Variants in RASAL1 observed in about 807,000 individuals in gnomAD.
RASAL1 encodes the protein RAS protein activator like 1, also known as rasGAP-activating-like protein 1.
RASAL1 carries 72 observed loss-of-function variants against 96.6 expected under a neutral mutation model. That is an observed-to-expected ratio of 0.75 (90% CI 0.62 to 0.91). The LOEUF is 0.91. Ranked by LOEUF, RASAL1 falls within the 40% of genes least tolerant of loss-of-function variation. RASAL1 has a pLI of 0.00. For missense variants in RASAL1, 1,016 were observed against 1,072.5 expected (o/e 0.95, Z 0.74); for synonymous variants, 405 against 430.4 (o/e 0.94, Z 0.73).
chr12:113,100,122 G>A, intron 20 of RASAL1, 54 bp from the exon 21 acceptor site: 1 of 1,509,700 alleles, frequency 6.6e-7, no homozygotes, highest in Non-Finnish European at 8.9e-7. Context: ...GCAGGCTGCT[G>A]TAACCCGGAC....
intron 1 of RASAL1, among the ~76,000 whole-genome samples, chr12:113,131,426 C>G (rs1951705362): frequency 1.3e-5 from 2 of 152,070 alleles, no homozygotes; most frequent in South Asian, 4.1e-4. Context: ...ATGGTCTGGC[C>G]CCCAGCTCTC....
Position 113,135,457 on chromosome 12 carries a change from G to A in RASAL1, c.6C>T (p.Ala2=). Residue 2 remains alanine (A), a synonymous_variant, in exon 1 of 21, where the codon GCC becomes GCT. Transcript: ENST00000548055. The surrounding 1 kb of genome is among the most constrained non-coding windows in gnomAD (Gnocchi z 5.7). The part of the protein sequence containing the change: M[A]KSSSLNVRVV... ...CGCGAACATTCAGGGAGCTGCTCTT[G>A]GCCATGGCGCCTAGCCACAAACTTT... 6.2e-7 allele frequency: 1 copy of A among 1,607,004 alleles called. No individual in the cohort carries two copies. The highest frequency in any genetic ancestry group is 8.5e-7 in the Non-Finnish European group (1 of 1,177,574).
intron 16 of RASAL1, among the ~76,000 whole-genome samples, chr12:113,104,506 A>G (rs1950576819): frequency 6.6e-6 from 1 of 151,290 alleles, no homozygotes; most frequent in South Asian, 2.1e-4. Flanking sequence ...TTTAATTTTT[A>G]TTTATTTATT....
intron 1 of RASAL1, among the ~76,000 whole-genome samples, chr12:113,132,812 C>T (rs1951772018): frequency 6.6e-6 from 1 of 152,228 alleles, no homozygotes; most frequent in East Asian, 1.9e-4. Flanking sequence ...ACACTTTAGA[C>T]AGACAGTGTC....
chr12:113,108,287 G>C, intron 13 of RASAL1, 65 bp from the exon 14 acceptor site: 1 of 1,518,148 alleles, frequency 6.6e-7, no homozygotes. Context: ...GTAAACTGAG[G>C]CAGCAAGGAC....
At chr12:113,126,198 T>C (rs1248776881) in intron 4 of RASAL1, among the ~76,000 whole-genome samples, 1 of 152,090 alleles carries the variant, frequency 6.6e-6, no homozygotes, top group East Asian at 1.9e-4. Context: ...GGCAGGAGAA[T>C]TGCTTGAGCC....
chr12:113,125,174 T>C (rs538183443), intron 4 of RASAL1, among the ~76,000 whole-genome samples: 3 of 152,266 alleles, frequency 2.0e-5, no homozygotes, highest in South Asian at 2.1e-4. Flanking sequence ...GAAGGAATTA[T>C]GTTTTAAAAT....
At chr12:113,114,727 C>T in intron 12 of RASAL1, 73 bp downstream of exon 12, 2 of 1,344,840 alleles carry the variant, frequency 1.5e-6, no homozygotes, top group Non-Finnish European at 2.1e-6. Flanking sequence ...TCAGCATGAA[C>T]CCAGCCCCCA....
intron 19 of RASAL1, among the ~76,000 whole-genome samples, 182 bp from the exon 20 acceptor site, chr12:113,100,862 A>G (rs565718895): frequency 3.9e-5 from 6 of 152,208 alleles, no homozygotes; most frequent in Non-Finnish European, 7.3e-5. Flanking sequence ...AACCTTTTAC[A>G]TGTATTAACT....
intron 4 of RASAL1, 22 bp from the exon 5 acceptor site, chr12:113,121,660 A>G: frequency 6.2e-7 from 1 of 1,613,750 alleles, no homozygotes; most frequent in Non-Finnish European, 8.5e-7. Context: ...AGGCACTAAC[A>G]TTTATGAAGC....
chr12:113,122,651 C>G (rs991421755), intron 4 of RASAL1, among the ~76,000 whole-genome samples: 3 of 151,768 alleles, frequency 2.0e-5, no homozygotes, highest in Non-Finnish European at 2.9e-5. Flanking sequence ...ATTCTAAGGA[C>G]TATGTCTCTG....
rs749579265 is a variant in RASAL1, at chr12:113,099,964, G to A, written c.2383C>T (p.Arg795Ter). The A allele has an allele frequency of 2.3e-5, 37 of 1,613,246 alleles. No homozygotes were observed. Among genetic ancestry groups the A allele is most frequent in the South Asian group, 1.6e-4 (15 of 91,034 alleles). The change falls in exon 21 of 21, where the codon CGA becomes TGA. Residue 795 changes from arginine (R) to a stop codon, truncating the protein, a stop_gained. Transcript: ENST00000548055. LOFTEE classifies it low-confidence loss of function (END_TRUNC). The part of the protein sequence containing the change: ...RAHEEFQQQE[R>*]GKAALGPLGP ...AGGGGGCCCAGGGCCGCCTTCCCTC[G>A]CTCCTGCTGCTGGAACTCCTCGTGG...
chr12:113,108,115 CTGG>C lies in RASAL1; in HGVS notation c.1479_1481del (p.Gln494del). 2 of 1,613,608 alleles carry C rather than the reference CTGG, an allele frequency of 1.2e-6. No individual in the cohort carries two copies. Among genetic ancestry groups the C allele is most frequent in the Non-Finnish European group, 1.7e-6 (2 of 1,179,830 alleles). ...CAAGCAACAGCAGTGAGCGGCTAGT[CTGG>C]GGGTCCGCGTGTTGGTCCCGAAGGT... On this transcript the variant is annotated inframe_deletion, in exon 14 of 21. Transcript: ENST00000548055.
rs1175352480 is a variant in RASAL1 at position 113,100,061 on chromosome 12, A to T, written c.2286T>A (p.Cys762Ter). The T allele has an allele frequency of 6.2e-7, 1 of 1,606,420 alleles. No homozygotes were observed. Among genetic ancestry groups the T allele is most frequent in the African/African-American group, 1.3e-5 (1 of 74,800 alleles). Residue 762 changes from cysteine to a stop codon, truncating the protein, a stop_gained, in exon 21 of 21, where the codon TGT becomes TGA. Coordinates refer to ENST00000548055, the MANE Select transcript of RASAL1 (RefSeq NM_001301202.2). LOFTEE classifies it low-confidence loss of function (END_TRUNC). Reference sequence around the variant, plus strand: ...CTCTTTGCCGGGCCAGGACCTCAGGACAGGCCCCTAGGAGGGAGACAAGAG... The same window carrying T: ...CTCTTTGCCGGGCCAGGACCTCAGGTCAGGCCCCTAGGAGGGAGACAAGAG... ...DTTLEADTGA[C>*]PEVLARQRAA...
chr12:113,114,694 T>C lies in RASAL1; in HGVS notation c.1181+106A>G, dbSNP rs1951009329. The C allele has an allele frequency of 1.3e-5, 12 of 905,542 alleles. No individual in the cohort carries two copies. In the South Asian group the frequency reaches 1.4e-4, roughly 11 times the overall value. The allele number at this position is 905,542 out of a possible 1,614,324, so 56.1% of individuals were successfully genotyped here. A position where few individuals can be genotyped will look rare whatever the true frequency, so the allele number is the denominator to read the frequency against. On this transcript the variant is annotated intron_variant, in intron 12 of 20. Coordinates refer to ENST00000548055, the MANE Select transcript of RASAL1 (RefSeq NM_001301202.2). ...CTCAGCCACCGAGCTCCTGAGCAGC[T>C]GTAGCCCCAGGGTGGGTGGCAGTCA...
chr12:113,126,315 T>A (rs772163843), intron 4 of RASAL1, among the ~76,000 whole-genome samples: 138 of 151,916 alleles, frequency 9.1e-4, no homozygotes, highest in Non-Finnish European at 1.5e-3. Context: ...ATTAAAAAAA[T>A]TTTAAAGGCA....
At chr12:113,132,413 T>C (rs1951754699) in intron 1 of RASAL1, among the ~76,000 whole-genome samples, 1 of 152,112 alleles carries the variant, frequency 6.6e-6, no homozygotes. Context: ...CCTCTAGAGC[T>C]ATTTCTGAAT....
chr12:113,126,411 T>G (rs1951482156), intron 4 of RASAL1, among the ~76,000 whole-genome samples: 1 of 152,114 alleles, frequency 6.6e-6, no homozygotes, highest in Non-Finnish European at 1.5e-5. Context: ...CTTGGTGCAG[T>G]GGCTCACACC....
intron 4 of RASAL1, among the ~76,000 whole-genome samples, chr12:113,121,866 C>T (rs907657701): frequency 1.3e-5 from 2 of 151,894 alleles, no homozygotes; most frequent in African/African-American, 2.4e-5. Context: ...GGACTTTAGG[C>T]GTGCACCACC....
Sources: allele counts gnomAD v4.1 joint callset (sites outside exome capture counted in the v4.1 genomes callset), GRCh38; gene constraint gnomAD v4.1.1; non-coding constraint Gnocchi (gnomAD v3.1); transcripts MANE v1.5; gene names NCBI Gene and HGNC (gene_info 2026-07-23, HGNC 2026-07-21).